TUT4: variants seen among roughly 807,000 people sequenced by gnomAD.
TUT4 encodes terminal uridylyl transferase 4.
TUT4 carries 36 observed loss-of-function variants against 192.2 expected under a neutral mutation model. The ratio of observed to expected loss-of-function variants is 0.19; its 90% CI spans 0.14 to 0.25. The LOEUF is 0.25. TUT4 is among the 10% of genes least tolerant of loss of function. TUT4 has a pLI of 1.00. For synonymous variants in TUT4, 618 were observed against 666.0 expected (o/e 0.93, Z 1.11); for missense variants, 1,493 against 1,957.2 (o/e 0.76, Z 4.47).
chr1:52,472,093 T>C lies in TUT4; in HGVS notation c.2737A>G (p.Ile913Val), dbSNP rs1665920076. ...TCCTTTTTGCAGATGCTGCATACTA[T>C]CGTTGGTGGCTACACAAAGATAAAA... ...FILTSGKPPT[I>V]VCSICKKDGH... The change falls in exon 14 of 30, where the codon ATA becomes GTA. Residue 913 changes from isoleucine to valine, a missense_variant. Transcript: ENST00000257177. 3 of 1,613,254 alleles carry C rather than the reference T, an allele frequency of 1.9e-6. No homozygotes were observed. In the Admixed American group the frequency reaches 5.0e-5, roughly 27 times the overall value.
chr1:52,425,221 G>A (rs1232965918), intron 29 of TUT4, 128 bp downstream of exon 29: 7 of 1,189,974 alleles, frequency 5.9e-6, no homozygotes, highest in Non-Finnish European at 8.3e-6. Context: ...CTGACACACA[G>A]TATAATTTCT....
At chr1:52,497,888 T>C (rs1672858146) in intron 4 of TUT4, among the ~76,000 whole-genome samples, 1 of 152,196 alleles carries the variant, frequency 6.6e-6, no homozygotes, top group East Asian at 1.9e-4. Context: ...ATCATTCTCT[T>C]TTATTTAGTA....
At chr1:52,549,346 T>G (rs1026408598) in intron 1 of TUT4, among the ~76,000 whole-genome samples, 11 of 152,270 alleles carry the variant, frequency 7.2e-5, no homozygotes, top group Middle Eastern at 3.4e-3. Flanking sequence ...CCTACCACAC[T>G]GAATTTCTCA....
chr1:52,426,578 G>C (rs780615794), intron 28 of TUT4, among the ~76,000 whole-genome samples: 1 of 152,036 alleles, frequency 6.6e-6, no homozygotes, highest in South Asian at 2.1e-4. Context: ...ACTAAAGCCC[G>C]TGTGAACTGC....
intron 7 of TUT4, among the ~76,000 whole-genome samples, chr1:52,491,544 C>T (rs542482155): frequency 6.0e-4 from 92 of 152,168 alleles, no homozygotes; most frequent in African/African-American, 2.0e-3. Flanking sequence ...AAAAATTATC[C>T]GGGCATGGTG....
At chr1:52,473,799 TG>T (rs1666399942) in intron 13 of TUT4, among the ~76,000 whole-genome samples, 2 of 152,222 alleles carry the variant, frequency 1.3e-5, no homozygotes, top group African/African-American at 4.8e-5. Flanking sequence ...GGAATGCACT[TG>T]AAGTACTGTG....
intron 7 of TUT4, 27 bp from the exon 8 acceptor site, chr1:52,490,828 A>C (rs563223472): frequency 1.3e-6 from 2 of 1,540,332 alleles, no homozygotes; most frequent in African/African-American, 2.8e-5. Context: ...AAAGTAAGCT[A>C]ATGTCAACAT....
At chr1:52,466,650 A>AG (rs1339759933) in intron 15 of TUT4, among the ~76,000 whole-genome samples, 1 of 130,768 alleles carries the variant, frequency 7.6e-6, no homozygotes. Flanking sequence ...TATTTCAAAA[A>AG]AAAAAAAAAA....
rs200261994 is a variant in TUT4, at chr1:52,497,159, G to A, written c.1024C>T (p.Arg342Cys). The change falls in exon 5 of 30, where the codon CGT becomes TGT. Residue 342 changes from arginine to cysteine, a missense_variant. By Grantham distance (180) the Arg-to-Cys change is radical (BLOSUM62 -3). Around this residue, in one of 7 missense-constraint regions of TUT4, gnomAD observed 437 missense variants for 577.6 expected, o/e 0.76. Coordinates refer to ENST00000257177, the MANE Select transcript of TUT4 (RefSeq NM_001009881.3). ...GCAGGGGAAGGAGGTGGCAGAGAACGAAGCTCACTTTCTTCTTGTTTTTCC... is the reference window on the plus strand; with the variant it reads ...GCAGGGGAAGGAGGTGGCAGAGAACAAAGCTCACTTTCTTCTTGTTTTTCC... Reference protein sequence around the residue: ...ILEKQEESELRSLPPPSPAHL... With the variant: ...ILEKQEESELCSLPPPSPAHL... 1.5e-5 allele frequency: 24 copies of A among 1,605,596 alleles called. No individual in the cohort carries two copies. Among genetic ancestry groups the A allele is most frequent in the Admixed American group, 3.5e-5 (2 of 57,054 alleles).
intron 3 of TUT4, among the ~76,000 whole-genome samples, chr1:52,511,446 T>C (rs1247942201): frequency 6.6e-6 from 1 of 152,104 alleles, no homozygotes; most frequent in Non-Finnish European, 1.5e-5. Context: ...GTAAATAAAA[T>C]AGAAATCCCT....
chr1:52,428,402 G>T (rs781586814), intron 28 of TUT4, among the ~76,000 whole-genome samples: 12 of 151,996 alleles, frequency 7.9e-5, no homozygotes, highest in Non-Finnish European at 1.3e-4. Context: ...CGAGGCAGGC[G>T]GATAATTTGA....
intron 6 of TUT4, 147 bp downstream of exon 6, chr1:52,495,280 G>T: frequency 7.0e-6 from 3 of 430,460 alleles, no homozygotes; most frequent in South Asian, 7.0e-5. Flanking sequence ...AAATCTAATA[G>T]TAATTTCCAA....
chr1:52,545,071 A>G (rs1390115914), intron 1 of TUT4, among the ~76,000 whole-genome samples: 2 of 148,950 alleles, frequency 1.3e-5, no homozygotes, highest in East Asian at 2.0e-4. Flanking sequence ...AAAAAAAAAA[A>G]GCCAGAAAAG....
In TUT4 at chr1:52,489,040, G is replaced by T. The variant is rs374958800; in HGVS notation, c.1389-5C>A. The T allele has an allele frequency of 1.9e-6, 3 of 1,603,412 alleles. No individual in the cohort carries two copies. Among genetic ancestry groups the T allele is most frequent in the Non-Finnish European group, 2.5e-6 (3 of 1,176,982 alleles). ...CTCACTCTACAAAGTAAACCACTGT[G>T]AATGAGAAAGAAACAAATTTCATTG... On this transcript the variant is annotated splice_region_variant and splice_polypyrimidine_tract_variant and intron_variant, in intron 8 of 29. Coordinates refer to ENST00000257177, the MANE Select transcript of TUT4 (RefSeq NM_001009881.3).
At chr1:52,516,876 T>C (rs1329769931) in intron 2 of TUT4, among the ~76,000 whole-genome samples, 1 of 152,186 alleles carries the variant, frequency 6.6e-6, no homozygotes, top group Admixed American at 6.5e-5. Flanking sequence ...GGAGACCAAC[T>C]TTAGATATGG....
chr1:52,495,249 C>A (rs1456879130), intron 6 of TUT4, among the ~76,000 whole-genome samples, 178 bp downstream of exon 6: 1 of 151,842 alleles, frequency 6.6e-6, no homozygotes, highest in Non-Finnish European at 1.5e-5. Context: ...TCCCTTATTT[C>A]TTTTATCCTG....
intron 1 of TUT4, among the ~76,000 whole-genome samples, chr1:52,543,341 A>G (rs1687215852): frequency 6.6e-6 from 1 of 152,232 alleles, no homozygotes; most frequent in African/African-American, 2.4e-5. Context: ...TTACAATACC[A>G]TCAAAAAGAA....
At chr1:52,487,408 C>T (rs1305752163) in intron 9 of TUT4, among the ~76,000 whole-genome samples, 1 of 151,938 alleles carries the variant, frequency 6.6e-6, no homozygotes, top group Non-Finnish European at 1.5e-5. Context: ...GCCGTGATCG[C>T]TCACTCCAGC....
chr1:52,485,005 T>C (rs1440919275), intron 9 of TUT4, among the ~76,000 whole-genome samples: 1 of 152,228 alleles, frequency 6.6e-6, no homozygotes, highest in African/African-American at 2.4e-5. Flanking sequence ...ATTTCTTTAC[T>C]GTTTGACTCT....
Sources: gnomAD v4.1 joint callset for allele counts (sites outside exome capture counted in the v4.1 genomes callset) on GRCh38, gnomAD v4.1.1 for gene constraint, gnomAD v4.1.1 regional missense constraint, MANE v1.5 for transcripts, NCBI Gene and HGNC (gene_info 2026-07-23, HGNC 2026-07-21) for gene names.